The following PLS1 variants were observed in gnomAD, a reference collection of about 807,000 sequenced individuals.
The protein encoded by PLS1 is plastin-1.
Under a neutral mutation model 73.7 loss-of-function variants are expected in PLS1, and 32 were observed. That is an observed-to-expected ratio of 0.43 (90% CI 0.33 to 0.58). PLS1 has a LOEUF of 0.58. Among genes scored for constraint, PLS1 ranks in the 20% least tolerant of loss-of-function variants. PLS1 has a pLI of 0.04. For missense variants in PLS1, 633 were observed against 740.5 expected (o/e 0.85, Z 1.68); for synonymous variants, 217 against 261.3 (o/e 0.83, Z 1.63).
At chr3:142,672,102 A>G (rs1269239667) in intron 4 of PLS1, among the ~76,000 whole-genome samples, 4 of 152,158 alleles carry the variant, frequency 2.6e-5, no homozygotes, top group Non-Finnish European at 2.9e-5. Flanking sequence ...CACATTCAGC[A>G]AAGTGCTATA....
chr3:142,641,410 G>C (rs1577822905), intron 1 of PLS1, among the ~76,000 whole-genome samples: 1 of 149,568 alleles, frequency 6.7e-6, no homozygotes, highest in South Asian at 2.1e-4. Context: ...CCCCAAAATA[G>C]CTCCTATTAT....
intron 1 of PLS1, among the ~76,000 whole-genome samples, chr3:142,637,994 G>A (rs971503740): frequency 6.6e-6 from 1 of 152,130 alleles, no homozygotes; most frequent in Non-Finnish European, 1.5e-5. Context: ...CATCGGAAAA[G>A]GTGATAGTTG....
intron 9 of PLS1, 37 bp downstream of exon 9, chr3:142,686,413 T>C (rs2037967112): frequency 8.4e-7 from 1 of 1,191,464 alleles, no homozygotes; most frequent in Non-Finnish European, 1.3e-6. Context: ...TATATTGTGG[T>C]AAAACAGACG....
chr3:142,648,645 C>T (rs1237707291), intron 1 of PLS1, among the ~76,000 whole-genome samples: 2 of 152,150 alleles, frequency 1.3e-5, no homozygotes, highest in African/African-American at 4.8e-5. Context: ...TCTAATGTTC[C>T]TACATAAGGT....
intron 3 of PLS1, among the ~76,000 whole-genome samples, chr3:142,669,863 T>G (rs1194775056): frequency 6.6e-6 from 1 of 152,240 alleles, no homozygotes; most frequent in Non-Finnish European, 1.5e-5. Flanking sequence ...TAAATATTTA[T>G]GAAATATAAA....
At chr3:142,705,388 G>T (rs1046311077) in intron 14 of PLS1, among the ~76,000 whole-genome samples, 1 of 152,140 alleles carries the variant, frequency 6.6e-6, no homozygotes, top group African/African-American at 2.4e-5. Flanking sequence ...GCTTCATAAT[G>T]GCACTTAACA....
intron 12 of PLS1, among the ~76,000 whole-genome samples, chr3:142,700,316 A>T (rs930254988): frequency 2.5e-4 from 36 of 142,836 alleles, no homozygotes; most frequent in African/African-American, 8.0e-4. Context: ...TATTATTATT[A>T]TTTTATTTAT....
At chr3:142,644,650 C>T (rs2036915779) in intron 1 of PLS1, among the ~76,000 whole-genome samples, 1 of 152,166 alleles carries the variant, frequency 6.6e-6, no homozygotes, top group African/African-American at 2.4e-5. Flanking sequence ...TATAATTTTA[C>T]CCCTCAATCT....
At chr3:142,636,771 A>G (rs577208205) in intron 1 of PLS1, among the ~76,000 whole-genome samples, 39 of 152,364 alleles carry the variant, frequency 2.6e-4, no homozygotes, top group Admixed American at 1.2e-3. Flanking sequence ...AGATTTGGAC[A>G]CTTAACCGAA....
At chr3:142,685,753 G>A (rs577591051) in intron 8 of PLS1, among the ~76,000 whole-genome samples, 1 of 152,210 alleles carries the variant, frequency 6.6e-6, no homozygotes, top group Non-Finnish European at 1.5e-5. Context: ...GAATCATAAG[G>A]CCTGTCCAAA....
intron 11 of PLS1, among the ~76,000 whole-genome samples, 197 bp downstream of exon 11, chr3:142,694,744 T>C (rs1442275929): frequency 1.3e-5 from 2 of 152,230 alleles, no homozygotes; most frequent in Non-Finnish European, 2.9e-5. Flanking sequence ...AATAGTTATG[T>C]TTTTGATGAT....
At chr3:142,650,932 A>C (rs931340994) in intron 1 of PLS1, among the ~76,000 whole-genome samples, 1 of 152,028 alleles carries the variant, frequency 6.6e-6, no homozygotes. Context: ...CAGTTGCCTG[A>C]GCTGGGAAAG....
chr3:142,654,037 G>T (rs1051090116), intron 1 of PLS1, among the ~76,000 whole-genome samples: 1 of 152,132 alleles, frequency 6.6e-6, no homozygotes, highest in African/African-American at 2.4e-5. Flanking sequence ...ACATGTTGGG[G>T]CTTTTAAGTA....
chr3:142,613,713 G>A (rs535805554), intron 1 of PLS1, among the ~76,000 whole-genome samples: 38 of 152,286 alleles, frequency 2.5e-4, no homozygotes, highest in African/African-American at 8.9e-4. Flanking sequence ...GGATGGCATA[G>A]TAGTATCTTC....
rs764049210 is a variant in PLS1 at position 142,684,297 on chromosome 3, A to T, written c.790A>T (p.Met264Leu). The change falls in exon 8 of 16, where the codon ATG becomes TTG. Residue 264 changes from methionine (M) to leucine (L), a missense_variant. By Grantham distance (15) the Met-to-Leu change is conservative. Transcript: ENST00000457734. Reference protein sequence around the residue: ...LNEGEELEELMKLSPEELLLR... With the variant: ...LNEGEELEELLKLSPEELLLR... Reference sequence around the variant, plus strand: ...TGAAGGTGAGGAACTAGAGGAGCTGATGAAGCTTTCTCCCGAGGAATTACT... The same window carrying T: ...TGAAGGTGAGGAACTAGAGGAGCTGTTGAAGCTTTCTCCCGAGGAATTACT... 2 of 1,614,116 alleles carry T rather than the reference A, an allele frequency of 1.2e-6. No individual in the cohort carries two copies. The highest frequency in any genetic ancestry group is 1.7e-6 in the Non-Finnish European group (2 of 1,179,966).
At chr3:142,705,706 T>C (rs1166369094) in intron 14 of PLS1, among the ~76,000 whole-genome samples, 1 of 152,258 alleles carries the variant, frequency 6.6e-6, no homozygotes, top group Non-Finnish European at 1.5e-5. Context: ...CTTCGCTCTA[T>C]ATGCTTAACA....
At chr3:142,627,602 T>C (rs373091546) in intron 1 of PLS1, among the ~76,000 whole-genome samples, 11 of 152,216 alleles carry the variant, frequency 7.2e-5, no homozygotes, top group African/African-American at 2.6e-4. Flanking sequence ...TATGTGTACA[T>C]GTTTGCTTTT....
intron 2 of PLS1, among the ~76,000 whole-genome samples, chr3:142,666,160 T>C (rs1370737060): frequency 1.3e-5 from 2 of 152,236 alleles, no homozygotes; most frequent in East Asian, 3.8e-4. Flanking sequence ...TGTTTCTTTT[T>C]GAAATTGTGG....
At chr3:142,607,501 C>G (rs2036045156) in intron 1 of PLS1, among the ~76,000 whole-genome samples, 1 of 152,214 alleles carries the variant, frequency 6.6e-6, no homozygotes, top group Non-Finnish European at 1.5e-5. Flanking sequence ...ATCTTGATCT[C>G]TGGACCTCAT....
Sources: gnomAD v4.1 joint callset for allele counts (sites outside exome capture counted in the v4.1 genomes callset) on GRCh38, gnomAD v4.1.1 for gene constraint, MANE v1.5 for transcripts, NCBI Gene and HGNC (gene_info 2026-07-23, HGNC 2026-07-21) for gene names.